ACYP1: variants seen among roughly 807,000 people sequenced by gnomAD.
ACYP1 encodes the protein acylphosphatase 1.
Under a neutral mutation model 10.4 loss-of-function variants are expected in ACYP1, and 8 were observed. The ratio of observed to expected loss-of-function variants is 0.77; its 90% CI spans 0.45 to 1.38. The LOEUF is 1.38. Among genes scored for constraint, ACYP1 ranks in the 40% most tolerant of loss-of-function variants. The pLI, the probability that ACYP1 is intolerant of heterozygous loss-of-function variation, is 0.00. For missense variants in ACYP1, 93 were observed against 117.3 expected (o/e 0.79, Z 0.96); for synonymous variants, 38 against 40.8 (o/e 0.93, Z 0.26).
chr14:75,063,513 A>G lies in ACYP1; in HGVS notation c.41T>C (p.Ile14Thr). The G allele has an allele frequency of 6.2e-7, 1 of 1,613,796 alleles. No homozygotes were observed. Among genetic ancestry groups the G allele is most frequent in the South Asian group, 1.1e-5 (1 of 91,026 alleles). The change falls in exon 2 of 3, where the codon ATT (isoleucine) becomes ACT (threonine). Residue 14 changes from isoleucine to threonine, a missense_variant. Transcript: ENST00000238618. Reference sequence around the variant, plus strand: ...AAACACCCCTTGCACCTTCCCAAAAATTTCATAATCCACTGATATCAGGGT... The same window carrying G: ...AAACACCCCTTGCACCTTCCCAAAAGTTTCATAATCCACTGATATCAGGGT... ...GNTLISVDYE[I>T]FGKVQGVFFR... is the part of the protein sequence containing the mutation.
At chr14:75,054,635 CA>C (rs1184211640) in intron 2 of ACYP1, among the ~76,000 whole-genome samples, 6 of 151,216 alleles carry the variant, frequency 4.0e-5, no homozygotes, top group African/African-American at 1.5e-4. Context: ...TGGAGTTGGC[CA>C]AAGAAAACGT....
At chr14:75,064,113 C>T (rs1008361166), upstream of ACYP1, 4 of 885,510 alleles carry the variant, frequency 4.5e-6, no homozygotes, top group South Asian at 1.0e-4. Context: ...AGAGACGGCG[C>T]CTCGGCCCGG....
chr14:75,059,981 T>A (rs1892977659), intron 2 of ACYP1: 1 of 301,360 alleles, frequency 3.3e-6, no homozygotes, highest in Admixed American at 5.1e-5. Flanking sequence ...AGTTAGTGTT[T>A]AATGAATACA....
At chr14:75,061,614 C>A (rs1448272904) in intron 2 of ACYP1, 1 of 1,170,748 alleles carries the variant, frequency 8.5e-7, no homozygotes, top group Non-Finnish European at 1.2e-6. Context: ...CTATCTGACC[C>A]TTTTCCCTCA....
chr14:75,053,718 A>G, intron 2 of ACYP1, 59 bp from the exon 3 acceptor site: 1 of 1,501,530 alleles, frequency 6.7e-7, no homozygotes, highest in Non-Finnish European at 9.2e-7. Context: ...AGGTAAGACT[A>G]CAATCTGTTG....
intron 2 of ACYP1, among the ~76,000 whole-genome samples, chr14:75,057,964 C>CAAAAA (rs769312151): frequency 0.011 from 419 of 38,764 alleles, 111 homozygotes; most frequent in Middle Eastern, 0.077. Flanking sequence ...GACTCTGTCT[C>CAAAAA]AAAAAAAAAA....
At chr14:75,062,015 C>T (rs1412999522) in intron 2 of ACYP1, among the ~76,000 whole-genome samples, 1 of 138,106 alleles carries the variant, frequency 7.2e-6, no homozygotes, top group Admixed American at 8.1e-5. Context: ...GTAGGAGAAA[C>T]GCTTGAACCC....
chr14:75,066,249 G>A (rs1186665644), upstream of ACYP1, among the ~76,000 whole-genome samples: 2 of 152,188 alleles, frequency 1.3e-5, no homozygotes, highest in African/African-American at 4.8e-5. Flanking sequence ...ACTGGGGAGG[G>A]AAATGGTAGG....
At chr14:75,058,735 G>A (rs563878117) in intron 2 of ACYP1, among the ~76,000 whole-genome samples, 1 of 146,322 alleles carries the variant, frequency 6.8e-6, no homozygotes, top group East Asian at 2.0e-4. Context: ...TTTTGAAAAG[G>A]GTGCTATGAC....
chr14:75,060,138 G>A (rs1415035458), intron 2 of ACYP1: 3 of 567,184 alleles, frequency 5.3e-6, no homozygotes, highest in Non-Finnish European at 9.4e-6. Flanking sequence ...AGAAGTAAGT[G>A]TGCTATATGG....
At chr14:75,058,171 G>A (rs921290056) in intron 2 of ACYP1, among the ~76,000 whole-genome samples, 10 of 150,202 alleles carry the variant, frequency 6.7e-5, no homozygotes, top group African/African-American at 1.5e-4. Context: ...AGTTCTCACC[G>A]GGCACGGTGG....
At chr14:75,053,779 A>G (rs1892807952) in intron 2 of ACYP1, 120 bp from the exon 3 acceptor site, 1 of 848,440 alleles carries the variant, frequency 1.2e-6, no homozygotes, top group African/African-American at 1.7e-5. Flanking sequence ...GATATTGCCC[A>G]GAACAGTCAA....
At chr14:75,068,548 AAGAGAGAGAGAC>A (rs997382669), upstream of ACYP1, among the ~76,000 whole-genome samples, 1 of 151,758 alleles carries the variant, frequency 6.6e-6, no homozygotes, top group African/African-American at 2.4e-5. Context: ...GAGGAGGAAG[AAGAGAGAGAGAC>A]AGAGAGAGAG....
chr14:75,062,095 C>CT, intron 2 of ACYP1, among the ~76,000 whole-genome samples: 1 of 58,312 alleles, frequency 1.7e-5, no homozygotes, highest in Middle Eastern at 0.016. Flanking sequence ...GAATGAAACT[C>CT]TGTCTCAAAA....
chr14:75,069,209 C>T lies in ACYP1; in HGVS notation c.82+1G>A. 6.6e-7 allele frequency: 1 copy of T among 1,515,870 alleles called. No individual in the cohort carries two copies. Among genetic ancestry groups the T allele is most frequent in the Non-Finnish European group, 8.8e-7 (1 of 1,139,056 alleles). The allele number at this position is 1,515,870 out of a possible 1,614,324, so 93.9% of individuals were successfully genotyped here. A position where few individuals can be genotyped will look rare whatever the true frequency, so the allele number is the denominator to read the frequency against. Reference sequence around the variant, plus strand: ...CAAGGAGCGCGCGCGTGCAGCCATACCTGGGGCCCGCCCAGCGCAGCCGAG... The same window carrying T: ...CAAGGAGCGCGCGCGTGCAGCCATATCTGGGGCCCGCCCAGCGCAGCCGAG... On this transcript the variant is annotated splice_donor_variant, in intron 1 of 2. Transcript: ENST00000555463. LOFTEE classifies it high-confidence loss of function.
chr14:75,069,233 A>C (rs958652611), exon 1 of ACYP1: 2 of 1,503,160 alleles, frequency 1.3e-6, no homozygotes, highest in Admixed American at 4.4e-5. Flanking sequence ...AGCGCAGCCG[A>C]GCGCGCGGAG....
Position 75,053,665 on chromosome 14 carries a change from G to A in ACYP1, c.85-6C>T, listed in dbSNP as rs755468272. The A allele has an allele frequency of 9.3e-6, 15 of 1,613,400 alleles. No individual in the cohort carries two copies. The highest frequency in any genetic ancestry group is 1.1e-5 in the Non-Finnish European group (13 of 1,179,428). ...CCCAGCTTTTTACCCTCAGCCTAAG[G>A]GGGGTAAAAAGAGAGAGAGATCCAG... On this transcript the variant is annotated splice_region_variant and splice_polypyrimidine_tract_variant and intron_variant, in intron 2 of 2. Coordinates refer to ENST00000238618, the MANE Select transcript of ACYP1 (RefSeq NM_001107.5).
chr14:75,053,805 AAG>A, intron 2 of ACYP1, 146 bp from the exon 3 acceptor site: 1 of 700,872 alleles, frequency 1.4e-6, no homozygotes, highest in Non-Finnish European at 2.4e-6. Context: ...AGACAGCAAG[AAG>A]GATCTCATTG....
At chr14:75,067,884 A>G (rs893314199), upstream of ACYP1, among the ~76,000 whole-genome samples, 2 of 151,614 alleles carry the variant, frequency 1.3e-5, no homozygotes, top group Non-Finnish European at 2.9e-5. Flanking sequence ...CTGTAGTCCC[A>G]GCTACTCGGG....
Sources: gnomAD v4.1 joint callset for allele counts (sites outside exome capture counted in the v4.1 genomes callset) on GRCh38, gnomAD v4.1.1 for gene constraint, MANE v1.5 for transcripts, NCBI Gene and HGNC (gene_info 2026-07-23, HGNC 2026-07-21) for gene names.